The following ZNF518A variants were observed in gnomAD, a reference collection of about 807,000 sequenced individuals.
ZNF518A encodes zinc finger protein 518A, also known as zinc finger protein 518.
A neutral mutation model predicts 102.7 loss-of-function variants in ZNF518A; 47 were observed. The ratio of observed to expected loss-of-function variants is 0.46; its 90% CI spans 0.36 to 0.58. ZNF518A has a LOEUF of 0.58. Ranked by LOEUF, ZNF518A falls within the 20% of genes least tolerant of loss-of-function variation. The pLI, the probability that ZNF518A is intolerant of heterozygous loss-of-function variation, is 0.00. For missense variants in ZNF518A, 1,793 were observed against 1,699.8 expected, an observed-to-expected ratio of 1.05 and a Z score of -0.96; for synonymous variants, 652 against 594.6, an observed-to-expected ratio of 1.10 and a Z score of -1.40.
chr10:96,199,432 G>A, intron 1 of ZNF518A: 1 of 433,422 alleles, frequency 2.3e-6, no homozygotes, highest in Non-Finnish European at 4.6e-6. Context: ...GCCTGTCACT[G>A]TTCACTCCTC....
rs1387800876 is a variant in ZNF518A at position 96,161,931 on chromosome 10, C to T, written c.*1157C>T. 1 of 166,796 alleles carries T rather than the reference C, an allele frequency of 6.0e-6. No individual in the cohort carries two copies. The highest frequency in any genetic ancestry group is 2.4e-5 in the African/African-American group (1 of 41,372). 10.3% of individuals were successfully genotyped at this position (166,796 alleles called of 1,614,324 possible). On this transcript the variant is annotated 3_prime_UTR_variant, in exon 6 of 6. Transcript: ENST00000316045. ...TTAGGATAGATTCCTAAGGGACATG[C>T]CCAACAGAGTTTTAAAATGGATGTT...
chr10:96,204,309 G>T, downstream of ZNF518A: 2 of 701,950 alleles, frequency 2.8e-6, no homozygotes, highest in Non-Finnish European at 4.8e-6. Context: ...CTAAAGTATT[G>T]TATTTTAGTC....
chr10:96,169,955 C>T (rs993044753), intron 1 of ZNF518A, among the ~76,000 whole-genome samples: 9 of 152,188 alleles, frequency 5.9e-5, no homozygotes, highest in Non-Finnish European at 1.0e-4. Context: ...CAGAGATAAA[C>T]ACCTGGAATG....
chr10:96,160,104 A>G lies in ZNF518A; in HGVS notation c.3782A>G (p.His1261Arg), dbSNP rs2082931182. 1.2e-6 allele frequency: 2 copies of G among 1,610,742 alleles called. No individual in the cohort carries two copies. The highest frequency in any genetic ancestry group is 8.5e-7 in the Non-Finnish European group (1 of 1,179,038). The change falls in exon 6 of 6, where the codon CAT becomes CGT. Residue 1261 changes from histidine (H) to arginine (R), a missense_variant. Transcript: ENST00000316045. ...AAAATTTTTTCAAAAACAAAAACTCATGGAAGTAAAGACTCTGAAACTGCC... is the reference window on the plus strand; with the variant it reads ...AAAATTTTTTCAAAAACAAAAACTCGTGGAAGTAAAGACTCTGAAACTGCC... The part of the protein sequence containing the change: ...SKKIFSKTKT[H>R]GSKDSETAFV...
In ZNF518A at chr10:96,158,382, G is replaced by A; in HGVS notation, c.2060G>A (p.Arg687Lys). 6.2e-7 allele frequency: 1 copy of A among 1,613,630 alleles called. No individual in the cohort carries two copies. Among genetic ancestry groups the A allele is most frequent in the Non-Finnish European group, 8.5e-7 (1 of 1,179,736 alleles). ...PISESFLSLVRQESSKPDSLL... is the reference protein window; with the variant it reads ...PISESFLSLVKQESSKPDSLL... The stretch of plus-strand genomic sequence containing the variant: ...AGTGAATCATTTTTATCACTAGTGA[G>A]GCAGGAGAGCTCAAAACCAGATAGC... Residue 687 changes from arginine to lysine, a missense_variant, in exon 6 of 6, where the codon AGG (arginine) becomes AAG (lysine). Around this residue, in one of 3 missense-constraint regions of ZNF518A, gnomAD observed 1,741 missense variants for 1,622.6 expected, o/e 1.07. Transcript: ENST00000316045.
intron 1 of ZNF518A, 87 bp from the exon 2 acceptor site, chr10:96,132,499 A>G (rs1191520648): frequency 7.7e-6 from 1 of 130,318 alleles, no homozygotes; most frequent in African/African-American, 2.9e-5. Flanking sequence ...TTTTTTTTAC[A>G]TTTCTTTATA....
In ZNF518A at chr10:96,200,508, A is replaced by T. The variant is rs1354791284; in HGVS notation, n.36-3066A>T. ...AATATTATTTTATTTGATTCTTGCA[A>T]GAAAGGATATATGCCTTCTTTGAAG... On this transcript the variant is annotated intron_variant and non_coding_transcript_variant, in intron 1 of 2. Transcript: ENST00000442635. The surrounding 1 kb of genome is among the most constrained non-coding windows in gnomAD (Gnocchi z 4.3). Among the ~76,000 whole-genome samples the T allele has an allele frequency of 6.6e-6, 1 of 152,210 alleles. No homozygotes were observed. The highest frequency in any genetic ancestry group is 6.5e-5 in the Admixed American group (1 of 15,288).
At chr10:96,166,659 CGA>C (rs752891311), downstream of ZNF518A, among the ~76,000 whole-genome samples, 3 of 152,014 alleles carry the variant, frequency 2.0e-5, no homozygotes, top group Admixed American at 1.3e-4. Context: ...TCCCACTACT[CGA>C]GAGTCTGAGG....
intron 1 of ZNF518A, among the ~76,000 whole-genome samples, chr10:96,131,760 T>C (rs1300010888): frequency 1.3e-5 from 2 of 152,226 alleles, no homozygotes; most frequent in Admixed American, 1.3e-4. Context: ...AATGCTTCAA[T>C]TTTTTGCCAT....
chr10:96,160,395 C>G lies in ZNF518A; in HGVS notation c.4073C>G (p.Pro1358Arg). 6.2e-7 allele frequency: 1 copy of G among 1,613,324 alleles called. No individual in the cohort carries two copies. The highest frequency in any genetic ancestry group is 8.5e-7 in the Non-Finnish European group (1 of 1,179,564). The change falls in exon 6 of 6, where the codon CCA becomes CGA. Residue 1358 changes from proline (P) to arginine (R), a missense_variant. Around this residue, in one of 3 missense-constraint regions of ZNF518A, gnomAD observed 1,741 missense variants for 1,622.6 expected, o/e 1.07. Transcript: ENST00000316045. ...TTGAATCATCCTGACGCAGATGCAC[C>G]AGAAGTAGTAAGTGTAATGAAAACT... The part of the protein sequence containing the change: ...VVLNHPDADA[P>R]EVVSVMKTIA...
intron 1 of ZNF518A, among the ~76,000 whole-genome samples, chr10:96,172,292 G>A (rs1554890967): frequency 6.6e-6 from 1 of 152,010 alleles, no homozygotes; most frequent in African/African-American, 2.4e-5. Context: ...GGGGCCAATA[G>A]CAGAAATGTT....
At chr10:96,199,372 TG>T in intron 1 of ZNF518A, 4 of 280,790 alleles carry the variant, frequency 1.4e-5, no homozygotes, top group Admixed American at 7.7e-5. Flanking sequence ...TTTGTTTGTT[TG>T]TTTGCCATCT....
At position 96,156,724 on chromosome 10, in the gene ZNF518A, T is replaced by C. The variant is rs2082712137; in HGVS notation, c.402T>C (p.Asp134=). 2 of 1,613,920 alleles carry C rather than the reference T, an allele frequency of 1.2e-6. No homozygotes were observed. The highest frequency in any genetic ancestry group is 1.7e-6 in the Non-Finnish European group (2 of 1,179,810). The change falls in exon 6 of 6, where the codon GAT becomes GAC. Residue 134 remains aspartate, a synonymous_variant. Transcript: ENST00000316045. ...CRDNTRYSPN[D]LQKHFQMWHH... ...ACAACACTCGATATAGCCCAAATGA[T>C]TTGCAGAAACACTTTCAAATGTGGC...
In ZNF518A at chr10:96,160,262, T is replaced by C; in HGVS notation, c.3940T>C (p.Phe1314Leu). Residue 1314 changes from phenylalanine (F) to leucine (L), a missense_variant, in exon 6 of 6, where the codon TTT becomes CTT. Coordinates refer to ENST00000316045, the MANE Select transcript of ZNF518A (RefSeq NM_001330736.2). ...TGAAGATGTCCGTGAAACATTTGGA[T>C]TTAGCAGACCTAGGCTTTCAAAAGA... The part of the protein sequence containing the change: ...KPEDVRETFG[F>L]SRPRLSKDSI... 6.2e-7 allele frequency: 1 copy of C among 1,613,532 alleles called. No homozygotes were observed. Among genetic ancestry groups the C allele is most frequent in the Non-Finnish European group, 8.5e-7 (1 of 1,179,664 alleles).
intron 3 of ZNF518A, chr10:96,151,286 T>G (rs781828888): frequency 2.0e-5 from 3 of 152,242 alleles, no homozygotes; most frequent in Non-Finnish European, 4.4e-5. Context: ...CATTTATTTT[T>G]CTTACAGTGT....
At chr10:96,176,121 G>C (rs1015364288) in intron 1 of ZNF518A, among the ~76,000 whole-genome samples, 30 of 152,114 alleles carry the variant, frequency 2.0e-4, no homozygotes, top group South Asian at 8.3e-4. Flanking sequence ...TTTTTGTAGA[G>C]ACAGGGTCTA....
In ZNF518A at chr10:96,200,191, T is replaced by C. The variant is rs782682619; in HGVS notation, n.36-3383T>C. The C allele has an allele frequency of 2.5e-6, 4 of 1,581,596 alleles. No homozygotes were observed. Among genetic ancestry groups the C allele is most frequent in the Non-Finnish European group, 3.5e-6 (4 of 1,150,980 alleles). On this transcript the variant is annotated intron_variant and non_coding_transcript_variant, in intron 1 of 2. Coordinates refer to the ZNF518A transcript ENST00000442635. This position sits in a 1 kb window ranked among gnomAD's most constrained non-coding sequence, Gnocchi z 4.3. ...ATGGAGGGCACTGGTCAGCATGGGATGGTCCCTACTTAACTCTAATTTCTG... is the reference window on the plus strand; with the variant it reads ...ATGGAGGGCACTGGTCAGCATGGGACGGTCCCTACTTAACTCTAATTTCTG...
At chr10:96,190,999 C>T (rs913640259) in intron 1 of ZNF518A, among the ~76,000 whole-genome samples, 2 of 152,122 alleles carry the variant, frequency 1.3e-5, no homozygotes, top group Non-Finnish European at 1.5e-5. Flanking sequence ...CTCCCATAAT[C>T]CCCACGTGCC....
chr10:96,137,861 A>G (rs1348624339), intron 3 of ZNF518A, among the ~76,000 whole-genome samples: 2 of 152,104 alleles, frequency 1.3e-5, no homozygotes, highest in Non-Finnish European at 2.9e-5. Context: ...CACACAGTCC[A>G]CATTTCCTCT....
Sources: allele counts gnomAD v4.1 joint callset (sites outside exome capture counted in the v4.1 genomes callset), GRCh38; gene constraint gnomAD v4.1.1; regional missense constraint gnomAD v4.1.1; non-coding constraint Gnocchi (gnomAD v3.1); transcripts MANE v1.5; gene names NCBI Gene and HGNC (gene_info 2026-07-23, HGNC 2026-07-21).